LMX1B: variants seen among roughly 807,000 people sequenced by gnomAD.
LMX1B encodes LIM homeobox transcription factor 1-beta.
LMX1B carries 12 observed loss-of-function variants against 51.4 expected under a neutral mutation model. The ratio of observed to expected loss-of-function variants is 0.23; its 90% CI spans 0.15 to 0.38. The LOEUF (loss-of-function observed/expected upper bound fraction) is 0.38, where lower values mean the gene tolerates loss of function less well. LMX1B is among the 10% of genes least tolerant of loss of function. LMX1B has a pLI of 1.00. For synonymous variants in LMX1B, 237 were observed against 235.4 expected, an observed-to-expected ratio of 1.01 and a Z score of -0.06; for missense variants, 445 against 571.1, an observed-to-expected ratio of 0.78 and a Z score of 2.25.
At chr9:126,645,539 A>C (rs184797044) in intron 2 of LMX1B, among the ~76,000 whole-genome samples, 1 of 152,242 alleles carries the variant, frequency 6.6e-6, no homozygotes. Context: ...CATCTTGTTC[A>C]GTGAACAACC....
intron 2 of LMX1B, among the ~76,000 whole-genome samples, chr9:126,616,304 C>T (rs72760783): frequency 0.037 from 5,603 of 152,292 alleles, 163 homozygotes; most frequent in Non-Finnish European, 0.054. Flanking sequence ...GGAGATGGCC[C>T]GCTCTGCCCT....
At chr9:126,672,408 C>T (rs890412188) in intron 2 of LMX1B, among the ~76,000 whole-genome samples, 1 of 152,238 alleles carries the variant, frequency 6.6e-6, no homozygotes, top group Non-Finnish European at 1.5e-5. Context: ...CTTGGCGGGA[C>T]CTGTGCAGCA....
At position 126,658,549 on chromosome 9, in the gene LMX1B, CAGA is replaced by C. The variant is rs1188569714; in HGVS notation, c.327-32281_327-32279del. 1.3e-5 allele frequency among the ~76,000 whole-genome samples: 2 copies of C among 152,180 alleles called. No homozygotes were observed. The highest frequency in any genetic ancestry group is 4.8e-5 in the African/African-American group (2 of 41,436). ...GAGATCAGAAATCAGGAGCTCTCCT[CAGA>C]AGAAGGTGGCCTCGCCCCTCATCCA... On this transcript the variant is annotated intron_variant, in intron 2 of 7. Coordinates refer to ENST00000373474, the MANE Select transcript of LMX1B (RefSeq NM_001174147.2). The surrounding 1 kb of genome is among the most constrained non-coding windows in gnomAD (Gnocchi z 4.0).
chr9:126,668,442 A>ATTTATT lies in LMX1B; in HGVS notation c.327-22393_327-22388dup, dbSNP rs1361775536. 2.1e-3 allele frequency among the ~76,000 whole-genome samples: 194 copies of ATTTATT among 92,882 alleles called. 4 individuals are homozygous for ATTTATT. Among genetic ancestry groups the ATTTATT allele is most frequent in the African/African-American group, 9.0e-3 (190 of 21,064 alleles). The allele number at this position is 92,882 out of a possible 152,430, so 60.9% of individuals were successfully genotyped here. A position where few individuals can be genotyped will look rare whatever the true frequency, so the allele number is the denominator to read the frequency against. On this transcript the variant is annotated intron_variant, in intron 2 of 7. Transcript: ENST00000373474. The stretch of plus-strand genomic sequence containing the variant: ...TTAGCTTTACAAATACAGAAGCAGG[A>ATTTATT]TTTATTATTATTATTATTATTATTA...
Position 126,673,620 on chromosome 9 carries a change from G to A in LMX1B, c.327-17216G>A, listed in dbSNP as rs1836501132. Among the ~76,000 whole-genome samples, 1 of 152,134 alleles carries A rather than the reference G, an allele frequency of 6.6e-6. No homozygotes were observed. Among genetic ancestry groups the A allele is most frequent in the Admixed American group, 6.5e-5 (1 of 15,282 alleles). ...CAGCTTCACCAGGTCCCCGGGCTCT[G>A]AGACACTCCACCTCCACTCTGGGCA... On this transcript the variant is annotated intron_variant, in intron 2 of 7. Transcript: ENST00000373474. This position sits in a 1 kb window ranked among gnomAD's most constrained non-coding sequence, Gnocchi z 4.4.
At chr9:126,669,239 C>G (rs1008878332) in intron 2 of LMX1B, among the ~76,000 whole-genome samples, 1 of 117,264 alleles carries the variant, frequency 8.5e-6, no homozygotes, top group African/African-American at 3.5e-5. Flanking sequence ...AAGGCCTGGC[C>G]GCGAGGAGGG....
intron 2 of LMX1B, among the ~76,000 whole-genome samples, chr9:126,632,276 T>G (rs1835647897): frequency 6.6e-6 from 1 of 152,124 alleles, no homozygotes; most frequent in African/African-American, 2.4e-5. Context: ...AGCAAGAGTG[T>G]GTGCCAGCTT....
chr9:126,696,017 C>CCCA lies in LMX1B; in HGVS notation c.1051+16_1051+17insACC. ...TGAACCCCTATGGTAAGCCGCCCTA[C>CCCA]CCCCACCCGCCCGCCCCAGCACAGC... On this transcript the variant is annotated intron_variant, in intron 7 of 7. Coordinates refer to ENST00000373474, the MANE Select transcript of LMX1B (RefSeq NM_001174147.2). 8 of 1,497,318 alleles carry CCCA rather than the reference C, an allele frequency of 5.3e-6. No individual in the cohort carries two copies. Among genetic ancestry groups the CCCA allele is most frequent in the Admixed American group, 4.1e-5 (2 of 49,252 alleles). The allele number at this position is 1,497,318 out of a possible 1,614,324, so 92.8% of individuals were successfully genotyped here.
chr9:126,631,121 G>T (rs1835626058), intron 2 of LMX1B, among the ~76,000 whole-genome samples: 1 of 152,262 alleles, frequency 6.6e-6, no homozygotes, highest in South Asian at 2.1e-4. Flanking sequence ...TAAGTGAGCA[G>T]CGACAGACCC....
At chr9:126,638,370 A>G (rs1322820281) in intron 2 of LMX1B, among the ~76,000 whole-genome samples, 1 of 151,864 alleles carries the variant, frequency 6.6e-6, no homozygotes, top group Non-Finnish European at 1.5e-5. Flanking sequence ...GACTCCCTGC[A>G]GCCTCTGCAC....
At chr9:126,682,472 T>G (rs1836693710) in intron 2 of LMX1B, among the ~76,000 whole-genome samples, 1 of 152,194 alleles carries the variant, frequency 6.6e-6, no homozygotes, top group African/African-American at 2.4e-5. Flanking sequence ...TTACTGTCCT[T>G]CCGCCTATGA....
intron 2 of LMX1B, among the ~76,000 whole-genome samples, chr9:126,684,962 G>GT (rs528030362): frequency 6.6e-6 from 1 of 152,168 alleles, no homozygotes; most frequent in Non-Finnish European, 1.5e-5. Context: ...AATACCTGGT[G>GT]TTTTTTTGTG....
rs1411396704 is a variant in LMX1B at position 126,615,626 on chromosome 9, C to T, written c.326+57C>T. 4 of 1,506,000 alleles carry T rather than the reference C, an allele frequency of 2.7e-6. No individual in the cohort carries two copies. Among genetic ancestry groups the T allele is most frequent in the Middle Eastern group, 1.7e-4 (1 of 5,834 alleles). 93.3% of individuals were successfully genotyped at this position (1,506,000 alleles called of 1,614,324 possible). The stretch of plus-strand genomic sequence containing the variant: ...CGCCCGGCACTCGAGCCCGGTCAGC[C>T]CCCTGCCGGGCCCGGCCCGCGCCCG... On this transcript the variant is annotated intron_variant, in intron 2 of 7. Coordinates refer to ENST00000373474, the MANE Select transcript of LMX1B (RefSeq NM_001174147.2). This position sits in a 1 kb window ranked among gnomAD's most constrained non-coding sequence, Gnocchi z 6.0.
chr9:126,670,430 G>A (rs767102468), intron 2 of LMX1B, among the ~76,000 whole-genome samples: 1 of 152,240 alleles, frequency 6.6e-6, no homozygotes, highest in Non-Finnish European at 1.5e-5. Flanking sequence ...AGTGTATGTG[G>A]CCAGTATGTG....
chr9:126,650,861 C>T (rs1414417229), intron 2 of LMX1B, among the ~76,000 whole-genome samples: 1 of 152,174 alleles, frequency 6.6e-6, no homozygotes, highest in Non-Finnish European at 1.5e-5. Flanking sequence ...GGTTTATGGC[C>T]CATAGAGGGA....
At chr9:126,693,893 G>A (rs1226332952) in intron 6 of LMX1B, 81 bp downstream of exon 6, 5 of 713,324 alleles carry the variant, frequency 7.0e-6, no homozygotes, top group Non-Finnish European at 1.2e-5. Context: ...GGGTGAGCTG[G>A]GGCAGAGGCT....
intron 2 of LMX1B, among the ~76,000 whole-genome samples, chr9:126,639,105 AGAGGG>A (rs1409240388): frequency 2.7e-5 from 4 of 146,656 alleles, no homozygotes; most frequent in Non-Finnish European, 6.0e-5. Flanking sequence ...TGGTAGGAGA[AGAGGG>A]GAGGGGAGGG....
chr9:126,664,275 C>T (rs1836299425), intron 2 of LMX1B, among the ~76,000 whole-genome samples: 1 of 152,200 alleles, frequency 6.6e-6, no homozygotes, highest in African/African-American at 2.4e-5. Context: ...CACAAATCCC[C>T]CAGCCCTGCA....
chr9:126,646,048 A>G (rs577062110), intron 2 of LMX1B, among the ~76,000 whole-genome samples: 1 of 152,246 alleles, frequency 6.6e-6, no homozygotes, highest in East Asian at 1.9e-4. Context: ...AAACCAGGGG[A>G]AAGGGTTAGA....
Sources: gnomAD v4.1 joint callset for allele counts (sites outside exome capture counted in the v4.1 genomes callset) on GRCh38, gnomAD v4.1.1 for gene constraint, Gnocchi (gnomAD v3.1) non-coding constraint, MANE v1.5 for transcripts, NCBI Gene and HGNC (gene_info 2026-07-23, HGNC 2026-07-21) for gene names.